Variants in GRIN2C observed in about 807,000 individuals in gnomAD.
GRIN2C encodes the protein glutamate receptor ionotropic, NMDA 2C.
A neutral mutation model predicts 77.7 loss-of-function variants in GRIN2C; 64 were observed. That is an observed-to-expected ratio of 0.82 (90% CI 0.67 to 1.01). The LOEUF (loss-of-function observed/expected upper bound fraction) is 1.01. GRIN2C is among the 50% of genes least tolerant of loss of function. The pLI is 0.00. For synonymous variants in GRIN2C, 792 were observed against 643.4 expected (o/e 1.23, Z -3.49); for missense variants, 1,549 against 1,486.0 (o/e 1.04, Z -0.70).
intron 3 of GRIN2C, 52 bp downstream of exon 3, chr17:74,851,961 C>G: frequency 2.9e-6 from 4 of 1,373,818 alleles, no homozygotes; most frequent in Non-Finnish European, 3.9e-6. Flanking sequence ...CCAGCCAGCT[C>G]CCCCGAAGCG....
Position 74,842,719 on chromosome 17 carries a change from C to G in GRIN2C, c.3418G>C (p.Ala1140Pro). The change falls in exon 13 of 13, where the codon GCC becomes CCC. Residue 1140 changes from alanine to proline, a missense_variant. Physicochemically the swap from Ala to Pro is conservative, Grantham distance 27 (BLOSUM62 -1). Around this residue, in one of 3 missense-constraint regions of GRIN2C, gnomAD observed 450 missense variants for 267.9 expected, o/e 1.68. Coordinates refer to ENST00000293190, the MANE Select transcript of GRIN2C (RefSeq NM_000835.6). ...TGCTGTCTGTGCTGCCAGGCGGGGG[C>G]CCCTGCCTGCTCGCCCTCCTGGCAG... is the stretch of plus-strand genomic sequence containing the variant. ...EACQEGEQAG[A>P]PAWQHRQHVC... 2 of 709,848 alleles carry G rather than the reference C, an allele frequency of 2.8e-6. No individual in the cohort carries two copies. The highest frequency in any genetic ancestry group is 2.6e-6 in the Non-Finnish European group (1 of 382,620). The allele number at this position is 709,848 out of a possible 1,614,324, so 44.0% of individuals were successfully genotyped here.
At position 74,849,878 on chromosome 17, in the gene GRIN2C, C is replaced by T. The variant is rs1425898910; in HGVS notation, c.1547G>A (p.Arg516His). Residue 516 changes from arginine (R) to histidine (H), a missense_variant, in exon 7 of 13, where the codon CGC becomes CAC. By Grantham distance (29) the Arg-to-His change is conservative (BLOSUM62 0). This residue lies in a region of GRIN2C where 717 missense variants were observed against 858.1 expected (regional missense o/e 0.84). Transcript: ENST00000293190. This position sits in a 1 kb window ranked among gnomAD's most constrained non-coding sequence, Gnocchi z 4.6. ...TACAGAGAAGTCTACGATCTCGGAGCGTTCCTCATTGATGGTGAGGGAGCC... is the reference window on the plus strand; with the variant it reads ...TACAGAGAAGTCTACGATCTCGGAGTGTTCCTCATTGATGGTGAGGGAGCC... ...AIGSLTINEE[R>H]SEIVDFSVPF... The T allele has an allele frequency of 2.5e-6, 4 of 1,613,448 alleles. No individual in the cohort carries two copies. The highest frequency in any genetic ancestry group is 4.5e-5 in the East Asian group (2 of 44,888).
chr17:74,852,368 G>C lies in GRIN2C; in HGVS notation c.643C>G (p.Leu215Val), dbSNP rs141665781. The C allele has an allele frequency of 6.2e-6, 9 of 1,446,678 alleles. No individual in the cohort carries two copies. In the African/African-American group the frequency reaches 1.0e-4, roughly 17 times the overall value. The allele number at this position is 1,446,678 out of a possible 1,614,324, so 89.6% of individuals were successfully genotyped here. A position where few individuals can be genotyped will look rare whatever the true frequency, so the allele number is the denominator to read the frequency against. ...ACGGGCGCGTCGAGCTGGCGCAGCA[G>C]GCGCTGCGTGCGCGCGCGCGGCCCT... ...PGGPRARTQR[L>V]LRQLDAPVFV... The change falls in exon 3 of 13, where the codon CTG (leucine) becomes GTG (valine). Residue 215 changes from leucine to valine, a missense_variant. Physicochemically the swap from Leu to Val is conservative, Grantham distance 32. Around this residue, in one of 3 missense-constraint regions of GRIN2C, gnomAD observed 382 missense variants for 360.0 expected, o/e 1.06. Transcript: ENST00000293190.
At chr17:74,851,791 T>C in intron 3 of GRIN2C, 100 bp from the exon 4 acceptor site, 1 of 798,706 alleles carries the variant, frequency 1.3e-6, no homozygotes. Flanking sequence ...TGATTGTGTT[T>C]ATTGTTCAAA....
chr17:74,855,212 G>T, intron 1 of GRIN2C, 105 bp from the exon 2 acceptor site: 1 of 929,448 alleles, frequency 1.1e-6, no homozygotes, highest in Non-Finnish European at 1.6e-6. Flanking sequence ...AGATGAAAGA[G>T]AAGAGGGGAA....
At position 74,854,961 on chromosome 17, in the gene GRIN2C, G is replaced by A. The variant is rs552529334; in HGVS notation, c.132C>T (p.Ala44=). The change falls in exon 2 of 13, where the codon GCC becomes GCT. Residue 44 remains alanine, a synonymous_variant. Transcript: ENST00000293190. ...VVFSSSGPPQ[A]QFRARLTPQS... is the part of the protein sequence containing the mutation. ...GGGGGGTGAGGCGGGCACGGAACTGGGCCTGGGGCGGCCCTGAGCTGCTAA... is the reference window on the plus strand; with the variant it reads ...GGGGGGTGAGGCGGGCACGGAACTGAGCCTGGGGCGGCCCTGAGCTGCTAA... The A allele has an allele frequency of 1.9e-6, 3 of 1,611,910 alleles. No individual in the cohort carries two copies. Among genetic ancestry groups the A allele is most frequent in the Non-Finnish European group, 2.5e-6 (3 of 1,179,950 alleles).
chr17:74,844,293 G>A lies in GRIN2C; in HGVS notation c.2566C>T (p.Leu856=), dbSNP rs1353379361. 6 of 1,613,864 alleles carry A rather than the reference G, an allele frequency of 3.7e-6. No homozygotes were observed. Among genetic ancestry groups the A allele is most frequent in the African/African-American group, 1.3e-5 (1 of 74,926 alleles). ...SVPNSSQLDF[L]LAFSRGIYSC... is the part of the protein sequence containing the mutation. ...GCACCCACCCTGCTGAAAGCCAGCA[G>A]GAAGTCCAGCTGGGATGAGTTGGGC... is the stretch of plus-strand genomic sequence containing the variant. The change falls in exon 12 of 13, where the codon CTG becomes TTG. Residue 856 remains leucine (L), a synonymous_variant. Transcript: ENST00000293190.
Position 74,846,522 on chromosome 17 carries a change from G to T in GRIN2C, c.2162+238C>A, listed in dbSNP as rs756417870. 6.6e-6 allele frequency among the ~76,000 whole-genome samples: 1 copy of T among 151,940 alleles called. No homozygotes were observed. Among genetic ancestry groups the T allele is most frequent in the Non-Finnish European group, 1.5e-5 (1 of 67,928 alleles). Reference sequence around the variant, plus strand: ...CTCCGTGCTCCTAAGACTCAGAGAAGGTCCCAACCACCACCTCAGGCTGAG... The same window carrying T: ...CTCCGTGCTCCTAAGACTCAGAGAATGTCCCAACCACCACCTCAGGCTGAG... On this transcript the variant is annotated intron_variant, in intron 10 of 12. Transcript: ENST00000293190. The surrounding 1 kb of genome is among the most constrained non-coding windows in gnomAD (Gnocchi z 4.4).
rs2037501457 is a variant in GRIN2C, at chr17:74,847,569, T to G, written c.1772-32A>C. On this transcript the variant is annotated intron_variant, in intron 8 of 12. Transcript: ENST00000293190. The surrounding 1 kb of genome is among the most constrained non-coding windows in gnomAD (Gnocchi z 5.2). Reference sequence around the variant, plus strand: ...GCAAGAGGCGGGGGGATGCTGGAGCTCCTCCTGCCCACCATGAAAGGGCTC... The same window carrying G: ...GCAAGAGGCGGGGGGATGCTGGAGCGCCTCCTGCCCACCATGAAAGGGCTC... 2 of 1,468,824 alleles carry G rather than the reference T, an allele frequency of 1.4e-6. No individual in the cohort carries two copies. The highest frequency in any genetic ancestry group is 2.3e-5 in the South Asian group (2 of 87,094). The allele number at this position is 1,468,824 out of a possible 1,614,324, so 91.0% of individuals were successfully genotyped here.
At position 74,847,911 on chromosome 17, in the gene GRIN2C, A is replaced by T; in HGVS notation, c.1712T>A (p.Val571Asp). Residue 571 changes from valine (V) to aspartate (D), a missense_variant, in exon 8 of 13, where the codon GTC (valine) becomes GAC (aspartate). Val to Asp is a radical substitution (Grantham distance 152, BLOSUM62 -3). Coordinates refer to ENST00000293190, the MANE Select transcript of GRIN2C (RefSeq NM_000835.6). The surrounding 1 kb of genome is among the most constrained non-coding windows in gnomAD (Gnocchi z 5.2). ...AGGGCTGAAGTACTCGAACATGAAG[A>T]CGGTGATGGCCACCACAGTGAGGCA... ...VMCLTVVAIT[V>D]FMFEYFSPVS... is the part of the protein sequence containing the mutation. 1 of 1,614,008 alleles carries T rather than the reference A, an allele frequency of 6.2e-7. No homozygotes were observed. The highest frequency in any genetic ancestry group is 8.5e-7 in the Non-Finnish European group (1 of 1,179,914).
In GRIN2C at chr17:74,851,568, C is replaced by T. The variant is rs765122321; in HGVS notation, c.1113+9G>A. 2.0e-6 allele frequency: 3 copies of T among 1,520,588 alleles called. No individual in the cohort carries two copies. Among genetic ancestry groups the T allele is most frequent in the Non-Finnish European group, 2.7e-6 (3 of 1,117,748 alleles). 94.2% of individuals were successfully genotyped at this position (1,520,588 alleles called of 1,614,324 possible). ...ACACTGAGGGCCCCTGGGCTCACCC[C>T]CTTCTCACCATCTCCCAGAGGCGGT... On this transcript the variant is annotated intron_variant, in intron 4 of 12. Transcript: ENST00000293190.
chr17:74,851,526 G>A (rs924415410), intron 4 of GRIN2C, 51 bp downstream of exon 4: 29 of 1,042,476 alleles, frequency 2.8e-5, no homozygotes, highest in African/African-American at 1.6e-4. Context: ...AAGAGGAGGC[G>A]GGGACAAAAT....
chr17:74,861,091 G>A (rs936028403), upstream of GRIN2C, among the ~76,000 whole-genome samples: 1 of 152,200 alleles, frequency 6.6e-6, no homozygotes, highest in Non-Finnish European at 1.5e-5. Flanking sequence ...TGGTCCCGCG[G>A]TGCTGCCGCG....
In GRIN2C at chr17:74,842,598, C is replaced by A; in HGVS notation, c.3539G>T (p.Gly1180Val). The A allele has an allele frequency of 1.3e-6, 1 of 767,512 alleles. No homozygotes were observed. The highest frequency in any genetic ancestry group is 2.5e-5 in the East Asian group (1 of 40,632). 47.5% of individuals were successfully genotyped at this position (767,512 alleles called of 1,614,324 possible). ...PCASHGSWLS[G>V]AWGPLGHRGR... ...CCTGTGCCCCAGAGGCCCCCAGGCC[C>A]CGGAGAGCCAGGAGCCGTGGCTGGC... The change falls in exon 13 of 13, where the codon GGG (glycine) becomes GTG (valine). Residue 1180 changes from glycine to valine, a missense_variant. Around this residue, in one of 3 missense-constraint regions of GRIN2C, gnomAD observed 450 missense variants for 267.9 expected, o/e 1.68. Coordinates refer to ENST00000293190, the MANE Select transcript of GRIN2C (RefSeq NM_000835.6).
In GRIN2C at chr17:74,855,055, G is replaced by A. The variant is rs774105712; in HGVS notation, c.38C>T (p.Ser13Leu). The change falls in exon 2 of 13, where the codon TCG (serine) becomes TTG (leucine). Residue 13 changes from serine to leucine, a missense_variant. By Grantham distance (145) the Ser-to-Leu change is moderately radical. Transcript: ENST00000293190. Reference sequence around the variant, plus strand: ...CAGCCCTGCCCAGGCACCGAAGAGCGAGGTGAGCAACAGGGCCGGCCCCAG... The same window carrying A: ...CAGCCCTGCCCAGGCACCGAAGAGCAAGGTGAGCAACAGGGCCGGCCCCAG... ...GALGPALLLT[S>L]LFGAWAGLGP... 21 of 1,597,384 alleles carry A rather than the reference G, an allele frequency of 1.3e-5. No homozygotes were observed. Among genetic ancestry groups the A allele is most frequent in the South Asian group, 2.2e-5 (2 of 90,700 alleles).
chr17:74,852,212 CG>C lies in GRIN2C; in HGVS notation c.798del (p.Ala267ProfsTer70). ...CTGATGAGGCCCACGGGGAAGGTGGCGGGGGGCGCATCGGTGCTGCCCAGCG... is the reference window on the plus strand; with the variant it reads ...CTGATGAGGCCCACGGGGAAGGTGGCGGGGGCGCATCGGTGCTGCCCAGCG... Reference protein sequence around the residue: ...NLALGSTDAPPATFPVGLISV... With the variant: ...NLALGSTDAPXATFPVGLISV... On this transcript the variant is annotated frameshift_variant, in exon 3 of 13. Coordinates refer to ENST00000293190, the MANE Select transcript of GRIN2C (RefSeq NM_000835.6). LOFTEE classifies it high-confidence loss of function. 1.0e-5 allele frequency: 15 copies of C among 1,444,892 alleles called. No individual in the cohort carries two copies. The highest frequency in any genetic ancestry group is 2.0e-4 in the Middle Eastern group (1 of 5,100). The allele number at this position is 1,444,892 out of a possible 1,614,324, so 89.5% of individuals were successfully genotyped here. A position where few individuals can be genotyped will look rare whatever the true frequency, so the allele number is the denominator to read the frequency against.
Position 74,859,541 on chromosome 17 carries a change from C to G in GRIN2C, c.-16+203G>C, listed in dbSNP as rs569302298. 6.6e-6 allele frequency among the ~76,000 whole-genome samples: 1 copy of G among 151,996 alleles called. No homozygotes were observed. Among genetic ancestry groups the G allele is most frequent in the Non-Finnish European group, 1.5e-5 (1 of 67,986 alleles). On this transcript the variant is annotated intron_variant, in intron 1 of 12. Coordinates refer to ENST00000293190, the MANE Select transcript of GRIN2C (RefSeq NM_000835.6). The surrounding 1 kb of genome is among the most constrained non-coding windows in gnomAD (Gnocchi z 5.9). The stretch of plus-strand genomic sequence containing the variant: ...CGGTGAGCCGCCCCTCCTTTGCCGT[C>G]GGGTTTCCCTCCCTCCCTTTTGCCC...
rs1286343350 is a variant in GRIN2C, at chr17:74,850,507, C to T, written c.1325+49G>A. On this transcript the variant is annotated intron_variant, in intron 5 of 12. Coordinates refer to ENST00000293190, the MANE Select transcript of GRIN2C (RefSeq NM_000835.6). This position sits in a 1 kb window ranked among gnomAD's most constrained non-coding sequence, Gnocchi z 5.3. ...TGGGACATACACGACACCTGACCAT[C>T]ACACGGCAGCACCCAGCTCACACTA... 5 of 1,586,450 alleles carry T rather than the reference C, an allele frequency of 3.2e-6. No individual in the cohort carries two copies. The highest frequency in any genetic ancestry group is 4.3e-6 in the Non-Finnish European group (5 of 1,156,784).
Position 74,852,430 on chromosome 17 carries a change from C to T in GRIN2C, c.581G>A (p.Arg194Gln), listed in dbSNP as rs372171539. Residue 194 changes from arginine (R) to glutamine (Q), a missense_variant, in exon 3 of 13, where the codon CGG becomes CAG. Around this residue, in one of 3 missense-constraint regions of GRIN2C, gnomAD observed 382 missense variants for 360.0 expected, o/e 1.06. Coordinates refer to ENST00000293190, the MANE Select transcript of GRIN2C (RefSeq NM_000835.6). ...AVADASHVSW[R>Q]LLDVVTLELG... ...CTCCAGCGTGACCACGTCCAGCAGCCGCCAACTCACGTGGCTGGCGTCGGC... is the reference window on the plus strand; with the variant it reads ...CTCCAGCGTGACCACGTCCAGCAGCTGCCAACTCACGTGGCTGGCGTCGGC... 4.6e-6 allele frequency: 7 copies of T among 1,526,488 alleles called. No homozygotes were observed. Among genetic ancestry groups the T allele is most frequent in the Non-Finnish European group, 5.2e-6 (6 of 1,145,820 alleles). The allele number at this position is 1,526,488 out of a possible 1,614,324, so 94.6% of individuals were successfully genotyped here.
Sources: allele counts gnomAD v4.1 joint callset (sites outside exome capture counted in the v4.1 genomes callset), GRCh38; gene constraint gnomAD v4.1.1; regional missense constraint gnomAD v4.1.1; non-coding constraint Gnocchi (gnomAD v3.1); transcripts MANE v1.5; gene names NCBI Gene and HGNC (gene_info 2026-07-23, HGNC 2026-07-21).